PGM3: variants seen among roughly 807,000 people sequenced by gnomAD.
PGM3 encodes phosphoacetylglucosamine mutase.
PGM3 carries 40 observed loss-of-function variants against 66.2 expected under a neutral mutation model. The ratio of observed to expected loss-of-function variants is 0.60; its 90% CI spans 0.47 to 0.79. The LOEUF is 0.79. PGM3 is among the 30% of genes least tolerant of loss of function. The pLI is 0.00. For missense variants in PGM3, 537 were observed against 643.4 expected (o/e 0.83, Z 1.79); for synonymous variants, 191 against 224.2 (o/e 0.85, Z 1.32).
the PGM3 span, chr6:83,155,871 G>C: frequency 6.0e-6 from 9 of 1,501,964 alleles, no homozygotes; most frequent in East Asian, 2.1e-4. Flanking sequence ...ATGTCATAGA[G>C]CATCTAGCTA....
At chr6:83,164,648 T>C, downstream of PGM3, 1 of 1,563,904 alleles carries the variant, frequency 6.4e-7, no homozygotes. Context: ...GTTCTCCTCT[T>C]TCCTTCCACA....
In PGM3 at chr6:83,167,366, C is replaced by G; in HGVS notation, c.*1868G>C. 1 of 985,224 alleles carries G rather than the reference C, an allele frequency of 1.0e-6. No individual in the cohort carries two copies. The highest frequency in any genetic ancestry group is 1.2e-6 in the Non-Finnish European group (1 of 829,712). The allele number at this position is 985,224 out of a possible 1,614,324, so 61.0% of individuals were successfully genotyped here. ...ATGCAGTACTGACAGTAATTATTCA[C>G]TTTGGACACTGCTACCATCATGGCA... On this transcript the variant is annotated 3_prime_UTR_variant, in exon 13 of 13. Transcript: ENST00000513973.
intron 5 of PGM3, among the ~76,000 whole-genome samples, 155 bp downstream of exon 5, chr6:83,182,690 A>G (rs1788267016): frequency 6.6e-6 from 1 of 152,262 alleles, no homozygotes; most frequent in South Asian, 2.1e-4. Context: ...TACATAGACC[A>G]GAACCTTGTG....
At chr6:83,178,796 A>G in intron 7 of PGM3, 40 bp from the exon 8 acceptor site, 1 of 1,134,336 alleles carries the variant, frequency 8.8e-7, no homozygotes, top group Non-Finnish European at 1.3e-6. Context: ...CATCAAAAGT[A>G]TGGTCTACAA....
downstream of PGM3, among the ~76,000 whole-genome samples, chr6:83,160,671 A>T (rs1784011545): frequency 6.6e-6 from 1 of 152,208 alleles, no homozygotes; most frequent in Non-Finnish European, 1.5e-5. Context: ...AAAAGCATAT[A>T]TAAATTTTAA....
the PGM3 span, among the ~76,000 whole-genome samples, chr6:83,152,624 T>TC: frequency 2.7e-5 from 4 of 150,336 alleles, no homozygotes; most frequent in East Asian, 7.7e-4. Context: ...CTTTTTCTTT[T>TC]TTTTTTTTTT....
At chr6:83,161,048 G>T (rs1047316887), downstream of PGM3, 13 of 151,856 alleles carry the variant, frequency 8.6e-5, no homozygotes, top group Non-Finnish European at 1.6e-4. Context: ...TACTCCTAAG[G>T]AAGTCCAGAA....
the PGM3 span, chr6:83,151,778 AC>A: frequency 7.0e-7 from 1 of 1,437,658 alleles, no homozygotes; most frequent in South Asian, 1.3e-5. Flanking sequence ...ATGGGAATCA[AC>A]AAGTCTATTG....
Position 83,166,175 on chromosome 6 carries a change from C to T in PGM3, c.*3059G>A. 4 of 503,240 alleles carry T rather than the reference C, an allele frequency of 7.9e-6. No homozygotes were observed. The South Asian group carries it at 1.6e-4, about 20-fold the overall frequency. 31.2% of individuals were successfully genotyped at this position (503,240 alleles called of 1,614,324 possible). On this transcript the variant is annotated 3_prime_UTR_variant, in exon 13 of 13. Transcript: ENST00000513973. ...TATTTTTCACTCAGCTCATGAGGCA[C>T]CCATTTATTGAGCTTTTTCACCTTT...
intron 5 of PGM3, 125 bp from the exon 6 acceptor site, chr6:83,182,056 A>G: frequency 1.9e-6 from 1 of 538,526 alleles, no homozygotes; most frequent in Non-Finnish European, 3.1e-6. Flanking sequence ...TTTAAATTTT[A>G]TCAATTATAA....
At chr6:83,174,246 C>T in intron 10 of PGM3, 128 bp downstream of exon 10, 3 of 612,750 alleles carry the variant, frequency 4.9e-6, no homozygotes, top group African/African-American at 1.9e-5. Flanking sequence ...CTGAATATAC[C>T]ACTATTAGAA....
intron 7 of PGM3, 133 bp downstream of exon 7, chr6:83,179,677 C>T (rs1023460174): frequency 9.2e-6 from 6 of 654,526 alleles, no homozygotes; most frequent in East Asian, 5.7e-5. Context: ...TACCACTGCT[C>T]TTTTTTTAAT....
intron 2 of PGM3, 95 bp from the exon 3 acceptor site, chr6:83,188,893 G>T: frequency 1.1e-6 from 1 of 951,096 alleles, no homozygotes; most frequent in Non-Finnish European, 1.6e-6. Context: ...ACCAAAGACA[G>T]TGATGGCTGA....
At chr6:83,176,915 A>C (rs1787813695) in intron 8 of PGM3, among the ~76,000 whole-genome samples, 1 of 152,222 alleles carries the variant, frequency 6.6e-6, no homozygotes, top group African/African-American at 2.4e-5. Context: ...ATCCCTGTGA[A>C]AGGCAGGCAA....
rs1786057653 is a variant in PGM3 at position 83,167,514 on chromosome 6, AGTAGTGAG to A, written c.*1712_*1719del. The A allele has an allele frequency of 2.0e-6, 2 of 1,014,364 alleles. No homozygotes were observed. Among genetic ancestry groups the A allele is most frequent in the Non-Finnish European group, 2.4e-6 (2 of 849,694 alleles). 62.8% of individuals were successfully genotyped at this position (1,014,364 alleles called of 1,614,324 possible). A position where few individuals can be genotyped will look rare whatever the true frequency, so the allele number is the denominator to read the frequency against. ...ATTTTGTGACCTAGTCCTTGGTTAC[AGTAGTGAG>A]GGTTCAGAAACCTGGGAGCTTTTTG... On this transcript the variant is annotated 3_prime_UTR_variant, in exon 13 of 13. Transcript: ENST00000513973.
At chr6:83,148,929 A>G in the PGM3 span, 6 of 954,338 alleles carry the variant, frequency 6.3e-6, no homozygotes, top group South Asian at 1.3e-4. Context: ...GTTGCCAAGT[A>G]TTAGTAATAG....
At chr6:83,154,850 A>G in the PGM3 span, among the ~76,000 whole-genome samples, 1 of 152,232 alleles carries the variant, frequency 6.6e-6, no homozygotes, top group South Asian at 2.1e-4. Flanking sequence ...GTAACATTGT[A>G]TGATTCTGTA....
At chr6:83,152,055 T>C in the PGM3 span, 3 of 1,612,962 alleles carry the variant, frequency 1.9e-6, no homozygotes, top group Admixed American at 5.0e-5. Flanking sequence ...TTAGGTTTAT[T>C]ATCTGTAAGC....
chr6:83,172,161 CT>C, intron 10 of PGM3, 102 bp from the exon 11 acceptor site: 3 of 1,170,276 alleles, frequency 2.6e-6, no homozygotes, highest in Non-Finnish European at 1.2e-6. Context: ...GTTGAACAAC[CT>C]GAATCTGAAA....
Sources: allele counts gnomAD v4.1 joint callset (sites outside exome capture counted in the v4.1 genomes callset), GRCh38; gene constraint gnomAD v4.1.1; transcripts MANE v1.5; gene names NCBI Gene and HGNC (gene_info 2026-07-23, HGNC 2026-07-21).